PAFAH1B1: variants seen among roughly 807,000 people sequenced by gnomAD.
The protein encoded by PAFAH1B1 is platelet-activating factor acetylhydrolase IB subunit beta.
A neutral mutation model predicts 57.5 loss-of-function variants in PAFAH1B1; 2 were observed. The observed-to-expected ratio is 0.03, with a 90% CI of 0.01 to 0.11. PAFAH1B1 has a LOEUF of 0.11. Among genes scored for constraint, PAFAH1B1 ranks in the 10% least tolerant of loss-of-function variants. The pLI is 1.00. For synonymous variants in PAFAH1B1, 152 were observed against 169.6 expected, an observed-to-expected ratio of 0.90 and a Z score of 0.81; for missense variants, 257 against 512.0, an observed-to-expected ratio of 0.50 and a Z score of 4.81.
chr17:2,620,399 T>C (rs2068404298), intron 1 of PAFAH1B1, among the ~76,000 whole-genome samples: 1 of 152,228 alleles, frequency 6.6e-6, no homozygotes, highest in Non-Finnish European at 1.5e-5. Context: ...TATCTTATAA[T>C]ATTTTGGTTT....
At chr17:2,668,084 G>T (rs1241670391) in intron 5 of PAFAH1B1, among the ~76,000 whole-genome samples, 1 of 151,948 alleles carries the variant, frequency 6.6e-6, no homozygotes, top group East Asian at 1.9e-4. Context: ...CAGCACTTTG[G>T]GAGGCCGAGG....
chr17:2,654,285 G>A (rs1283678112), intron 2 of PAFAH1B1, among the ~76,000 whole-genome samples: 1 of 150,034 alleles, frequency 6.7e-6, no homozygotes, highest in Non-Finnish European at 1.5e-5. Flanking sequence ...TGTCTCCCAG[G>A]TTCAATCAAT....
At chr17:2,615,926 C>T (rs1004315297) in intron 1 of PAFAH1B1, among the ~76,000 whole-genome samples, 17 of 151,926 alleles carry the variant, frequency 1.1e-4, no homozygotes, top group Non-Finnish European at 8.8e-5. Context: ...AAAGAAGACA[C>T]AAGGAGAGAA....
chr17:2,632,450 C>T (rs1027899779), intron 1 of PAFAH1B1, among the ~76,000 whole-genome samples: 7 of 152,112 alleles, frequency 4.6e-5, no homozygotes, highest in Non-Finnish European at 1.0e-4. Context: ...AGAGGTTTCC[C>T]TTTCTATCTC....
intron 2 of PAFAH1B1, among the ~76,000 whole-genome samples, chr17:2,655,651 GA>G (rs2068926725): frequency 6.6e-6 from 1 of 152,198 alleles, no homozygotes; most frequent in Admixed American, 6.5e-5. Flanking sequence ...TCAAGAAAGA[GA>G]AAACACATCA....
chr17:2,681,596 G>T lies in PAFAH1B1; in HGVS notation c.1160-133G>T, dbSNP rs115787518. On this transcript the variant is annotated intron_variant, in intron 10 of 10. Coordinates refer to ENST00000397195, the MANE Select transcript of PAFAH1B1 (RefSeq NM_000430.4). ...TCTGCATCAGTCTCCCGAGTAGCTGGGACTACAGGCACACACTACCATGCC... is the reference window on the plus strand; with the variant it reads ...TCTGCATCAGTCTCCCGAGTAGCTGTGACTACAGGCACACACTACCATGCC... 6,838 of 678,420 alleles carry T rather than the reference G, an allele frequency of 0.01. 205 individuals carry two copies. Among genetic ancestry groups the T allele is most frequent in the African/African-American group, 0.078 (4,358 of 55,788 alleles). 42.0% of individuals were successfully genotyped at this position (678,420 alleles called of 1,614,324 possible).
At chr17:2,665,494 G>A in intron 3 of PAFAH1B1, 38 bp downstream of exon 3, 2 of 1,184,378 alleles carry the variant, frequency 1.7e-6, no homozygotes, top group East Asian at 4.7e-5. Flanking sequence ...TATAGTTAAT[G>A]AGTGGATTTT....
Position 2,666,043 on chromosome 17 carries a change from G to T in PAFAH1B1, c.145G>T (p.Gly49Cys). 1 of 1,521,366 alleles carries T rather than the reference G, an allele frequency of 6.6e-7. No homozygotes were observed. Among genetic ancestry groups the T allele is most frequent in the Non-Finnish European group, 9.0e-7 (1 of 1,113,418 alleles). The allele number at this position is 1,521,366 out of a possible 1,614,324, so 94.2% of individuals were successfully genotyped here. The change falls in exon 4 of 11, where the codon GGT becomes TGT. Residue 49 changes from glycine to cysteine, a missense_variant. Transcript: ENST00000397195. ...VNEELDKKYA[G>C]LLEKKWTSVI... ...TGAAGAATTAGATAAAAAGTATGCT[G>T]GTCTTTTGGAAAAAAAATGGACATC...
chr17:2,645,187 C>T (rs1256680543), intron 2 of PAFAH1B1, among the ~76,000 whole-genome samples: 1 of 152,130 alleles, frequency 6.6e-6, no homozygotes, highest in Non-Finnish European at 1.5e-5. Flanking sequence ...ATTGAGGCTG[C>T]AGTGAGCCAT....
intron 1 of PAFAH1B1, among the ~76,000 whole-genome samples, chr17:2,617,126 A>C (rs118129762): frequency 6.6e-6 from 1 of 152,148 alleles, no homozygotes; most frequent in African/African-American, 2.4e-5. Context: ...GATATGACTT[A>C]TATTGTGTTA....
chr17:2,661,103 T>C (rs535752857), intron 2 of PAFAH1B1, among the ~76,000 whole-genome samples: 45 of 152,278 alleles, frequency 3.0e-4, no homozygotes, highest in Admixed American at 2.7e-3. Flanking sequence ...GGTTTTTTTT[T>C]CCCGTTCTGT....
intron 1 of PAFAH1B1, among the ~76,000 whole-genome samples, chr17:2,600,030 A>C (rs1159660004): frequency 8.2e-6 from 1 of 121,768 alleles, no homozygotes; most frequent in African/African-American, 3.3e-5. Context: ...CCCAGGCTGG[A>C]GTGCAGTGTC....
intron 1 of PAFAH1B1, among the ~76,000 whole-genome samples, chr17:2,595,293 C>T (rs2068072527): frequency 6.6e-6 from 1 of 151,748 alleles, no homozygotes; most frequent in South Asian, 2.1e-4. Flanking sequence ...TTTGGCAATT[C>T]TGTTTTTGTT....
intron 1 of PAFAH1B1, among the ~76,000 whole-genome samples, chr17:2,633,752 A>G (rs1002882774): frequency 6.6e-6 from 1 of 152,110 alleles, no homozygotes; most frequent in Non-Finnish European, 1.5e-5. Context: ...ATAGTTGGAC[A>G]GGTTTGGATA....
chr17:2,668,858 C>T (rs2069143138), intron 5 of PAFAH1B1, among the ~76,000 whole-genome samples: 1 of 151,910 alleles, frequency 6.6e-6, no homozygotes, highest in African/African-American at 2.4e-5. Context: ...CTCCTGTAGT[C>T]CCAGCTACTC....
At chr17:2,673,036 C>T (rs936860104) in intron 7 of PAFAH1B1, among the ~76,000 whole-genome samples, 1 of 151,406 alleles carries the variant, frequency 6.6e-6, no homozygotes, top group Non-Finnish European at 1.5e-5. Context: ...CCATTGCACT[C>T]TAGCCTGGGC....
chr17:2,612,532 A>G (rs1245693902), intron 1 of PAFAH1B1, among the ~76,000 whole-genome samples: 2 of 151,118 alleles, frequency 1.3e-5, no homozygotes, highest in Non-Finnish European at 3.0e-5. Context: ...ATCTTGTGAA[A>G]TAGATACTAC....
At position 2,661,525 on chromosome 17, in the gene PAFAH1B1, C is replaced by CT. The variant is rs577964992; in HGVS notation, c.33-3846dup. ...TGTTCTGTTCCCTTGGTCTGTGTGT[C>CT]TGTTTTGGTACCAGTAGCATGCTGT... On this transcript the variant is annotated intron_variant, in intron 2 of 10. Transcript: ENST00000397195. Among the ~76,000 whole-genome samples, 62 of 152,204 alleles carry CT rather than the reference C, an allele frequency of 4.1e-4. No homozygotes were observed. In the East Asian group the frequency reaches 0.011, roughly 28 times the overall value.
chr17:2,621,555 T>G lies in PAFAH1B1; in HGVS notation c.-190-16544T>G, dbSNP rs2068420629. Among the ~76,000 whole-genome samples, 3 of 151,158 alleles carry G rather than the reference T, an allele frequency of 2.0e-5. No homozygotes were observed. The South Asian group carries it at 6.2e-4, about 31-fold the overall frequency. ...TTGCTGCATCTGGAAAATATTTGGATTAAGAGCCATAATATATAATACGTG... is the reference window on the plus strand; with the variant it reads ...TTGCTGCATCTGGAAAATATTTGGAGTAAGAGCCATAATATATAATACGTG... On this transcript the variant is annotated intron_variant, in intron 1 of 10. Transcript: ENST00000397195.
Sources: gnomAD v4.1 joint callset for allele counts (sites outside exome capture counted in the v4.1 genomes callset) on GRCh38, gnomAD v4.1.1 for gene constraint, MANE v1.5 for transcripts, NCBI Gene and HGNC (gene_info 2026-07-23, HGNC 2026-07-21) for gene names.